The following PAN3 variants were observed in gnomAD, a reference collection of about 807,000 sequenced individuals.
PAN3 encodes poly(A) specific ribonuclease subunit PAN3.
Under a neutral mutation model 96.2 loss-of-function variants are expected in PAN3, and 19 were observed. The ratio of observed to expected loss-of-function variants is 0.20; its 90% CI spans 0.14 to 0.29. The LOEUF (loss-of-function observed/expected upper bound fraction) is 0.29. Among genes scored for constraint, PAN3 ranks in the 10% least tolerant of loss-of-function variants. PAN3 has a pLI of 1.00. For synonymous variants in PAN3, 433 were observed against 406.6 expected (o/e 1.06, Z -0.78); for missense variants, 882 against 1,108.1 (o/e 0.80, Z 2.90).
intron 5 of PAN3, among the ~76,000 whole-genome samples, chr13:28,200,954 C>T (rs752113518): frequency 6.6e-6 from 1 of 152,148 alleles, no homozygotes; most frequent in Non-Finnish European, 1.5e-5. Flanking sequence ...CCAGGGATCT[C>T]CATAATTGCC....
rs1880709451 is a variant in PAN3 at position 28,215,983 on chromosome 13, G to A, written c.853-4248G>A. ...CTGTTAGTTTCAGTTGGCCATTTAA[G>A]TTAATAGTAAAAGACTGGTTAAAGA... On this transcript the variant is annotated intron_variant, in intron 5 of 18. Coordinates refer to ENST00000380958, the MANE Select transcript of PAN3 (RefSeq NM_175854.8). 9.0e-6 allele frequency: 7 copies of A among 779,318 alleles called. No individual in the cohort carries two copies. The Admixed American group carries it at 1.2e-4, about 13-fold the overall frequency. 48.3% of individuals were successfully genotyped at this position (779,318 alleles called of 1,614,324 possible). A position where few individuals can be genotyped will look rare whatever the true frequency, so the allele number is the denominator to read the frequency against.
chr13:28,185,832 T>G (rs1034900291), intron 4 of PAN3, among the ~76,000 whole-genome samples: 24 of 152,184 alleles, frequency 1.6e-4, no homozygotes, highest in African/African-American at 4.6e-4. Context: ...TAGTAGATCA[T>G]TCTAAGGTTA....
At position 28,177,879 on chromosome 13, in the gene PAN3, C is replaced by T. The variant is rs748069269; in HGVS notation, c.634C>T (p.Pro212Ser). ...TTACCTTTCAGATCCTCTAACATCA[C>T]CTGCTTCATCCTTGTTTAATGACTT... ...PYSAHDPLTS[P>S]ASSLFNDFGA... The change falls in exon 4 of 19, where the codon CCT becomes TCT. Residue 212 changes from proline (P) to serine (S), a missense_variant. This residue lies in a region of PAN3 where 442 missense variants were observed against 422.8 expected (regional missense o/e 1.05). Coordinates refer to ENST00000380958, the MANE Select transcript of PAN3 (RefSeq NM_175854.8). 1.9e-6 allele frequency: 3 copies of T among 1,613,084 alleles called. No individual in the cohort carries two copies. Among genetic ancestry groups the T allele is most frequent in the African/African-American group, 2.7e-5 (2 of 75,002 alleles).
intron 4 of PAN3, among the ~76,000 whole-genome samples, chr13:28,180,932 T>C (rs915904352): frequency 3.9e-5 from 6 of 152,196 alleles, no homozygotes; most frequent in African/African-American, 1.4e-4. Flanking sequence ...CAGCAGCATA[T>C]TAATTAGTGC....
At chr13:28,178,693 A>C (rs895978948) in intron 4 of PAN3, among the ~76,000 whole-genome samples, 10 of 152,152 alleles carry the variant, frequency 6.6e-5, no homozygotes, top group African/African-American at 2.4e-4. Context: ...GAGAGTAATA[A>C]ATGTAAAATT....
chr13:28,272,623 G>A (rs1886724293), intron 14 of PAN3, among the ~76,000 whole-genome samples: 2 of 151,002 alleles, frequency 1.3e-5, no homozygotes, highest in South Asian at 4.2e-4. Context: ...AGACTGGAGT[G>A]CAATGGCGCG....
chr13:28,273,217 C>T (rs151057085), intron 14 of PAN3, among the ~76,000 whole-genome samples: 7 of 152,274 alleles, frequency 4.6e-5, no homozygotes, highest in Non-Finnish European at 7.4e-5. Flanking sequence ...ATTTAGGCCT[C>T]GTGATGCTTC....
intron 15 of PAN3, among the ~76,000 whole-genome samples, chr13:28,278,831 G>A (rs1887249208): frequency 6.6e-6 from 1 of 151,874 alleles, no homozygotes; most frequent in Admixed American, 6.6e-5. Flanking sequence ...GTACACATAT[G>A]TCCATACTTA....
chr13:28,213,702 C>T (rs375396870), intron 5 of PAN3, among the ~76,000 whole-genome samples: 3 of 78,338 alleles, frequency 3.8e-5, no homozygotes, highest in Non-Finnish European at 8.9e-5. Flanking sequence ...GAAAAAACAG[C>T]AAAAAAAAAA....
At chr13:28,290,572 T>G (rs1395948938) in intron 18 of PAN3, among the ~76,000 whole-genome samples, 1 of 152,028 alleles carries the variant, frequency 6.6e-6, no homozygotes, top group Non-Finnish European at 1.5e-5. Context: ...TCCCAGCTAC[T>G]TCGGAGGCTG....
At chr13:28,224,906 C>A (rs994778990) in intron 6 of PAN3, among the ~76,000 whole-genome samples, 7 of 152,102 alleles carry the variant, frequency 4.6e-5, no homozygotes, top group African/African-American at 1.7e-4. Flanking sequence ...TAGGGGTGAG[C>A]CACCTCACTC....
At chr13:28,223,293 A>G (rs1881597289) in intron 6 of PAN3, among the ~76,000 whole-genome samples, 1 of 152,192 alleles carries the variant, frequency 6.6e-6, no homozygotes, top group Non-Finnish European at 1.5e-5. Flanking sequence ...ATACACACTC[A>G]TTTTTTAATT....
At chr13:28,190,289 T>G (rs1025492650) in intron 4 of PAN3, among the ~76,000 whole-genome samples, 1 of 152,078 alleles carries the variant, frequency 6.6e-6, no homozygotes, top group African/African-American at 2.4e-5. Flanking sequence ...GTTGGCCAGG[T>G]TAGAGTGCAG....
At chr13:28,141,815 A>G (rs963056451) in intron 1 of PAN3, among the ~76,000 whole-genome samples, 5 of 152,188 alleles carry the variant, frequency 3.3e-5, no homozygotes, top group African/African-American at 1.2e-4. Flanking sequence ...GAAAGAGGAC[A>G]GGATGTAAGC....
At chr13:28,162,450 C>T (rs1161714951) in intron 1 of PAN3, among the ~76,000 whole-genome samples, 3 of 151,914 alleles carry the variant, frequency 2.0e-5, no homozygotes, top group African/African-American at 4.8e-5. Context: ...TTTGGGAGGC[C>T]GAGGCGGGTG....
At chr13:28,264,072 A>C (rs887794385) in intron 9 of PAN3, among the ~76,000 whole-genome samples, 12 of 152,174 alleles carry the variant, frequency 7.9e-5, no homozygotes, top group African/African-American at 2.7e-4. Flanking sequence ...ATATTCATCT[A>C]CTTAATTTTT....
chr13:28,159,512 A>G (rs1373107032), intron 1 of PAN3, among the ~76,000 whole-genome samples: 1 of 152,148 alleles, frequency 6.6e-6, no homozygotes. Flanking sequence ...CAATGGCACA[A>G]ATCTTGGCTC....
At position 28,184,954 on chromosome 13, in the gene PAN3, TG is replaced by T. The variant is rs534773496; in HGVS notation, c.690+7020del. On this transcript the variant is annotated intron_variant, in intron 4 of 18. Transcript: ENST00000380958. The stretch of plus-strand genomic sequence containing the variant: ...CACAAGTAATTTATGCTGTCAGTTT[TG>T]AAATGTCATGCTTACTCTGTTTCTC... Among the ~76,000 whole-genome samples, 373 of 152,312 alleles carry T rather than the reference TG, an allele frequency of 2.4e-3. 2 individuals carry two copies. The highest frequency in any genetic ancestry group is 7.8e-3 in the African/African-American group (324 of 41,580).
intron 15 of PAN3, among the ~76,000 whole-genome samples, chr13:28,279,962 G>A (rs1477764080): frequency 2.0e-5 from 3 of 151,546 alleles, no homozygotes; most frequent in Non-Finnish European, 4.4e-5. Flanking sequence ...ACCATGCCCA[G>A]CTAATTTTGT....
Sources: gnomAD v4.1 joint callset for allele counts (sites outside exome capture counted in the v4.1 genomes callset) on GRCh38, gnomAD v4.1.1 for gene constraint, gnomAD v4.1.1 regional missense constraint, MANE v1.5 for transcripts, NCBI Gene and HGNC (gene_info 2026-07-23, HGNC 2026-07-21) for gene names.